Variants in RYR3 observed in about 807,000 individuals in gnomAD.
RYR3 encodes the protein ryanodine receptor 3.
Under a neutral mutation model 584.3 loss-of-function variants are expected in RYR3, and 207 were observed. That is an observed-to-expected ratio of 0.35 (90% confidence interval 0.32 to 0.40). RYR3 has a LOEUF of 0.40. Ranked by LOEUF, RYR3 falls within the 10% of genes least tolerant of loss-of-function variation. The pLI is 1.00. For synonymous variants in RYR3, 2,416 were observed against 2,248.5 expected (o/e 1.07, Z -2.11); for missense variants, 5,616 against 6,089.2 (o/e 0.92, Z 2.59).
intron 83 of RYR3, 32 bp downstream of exon 83, chr15:33,826,301 C>G (rs147715983): frequency 6.2e-7 from 1 of 1,608,756 alleles, no homozygotes; most frequent in African/African-American, 1.3e-5. Context: ...GAGTTCCTAC[C>G]GTGTGTGAAT....
At chr15:33,497,719 T>C (rs1318915672) in intron 2 of RYR3, among the ~76,000 whole-genome samples, 1 of 152,212 alleles carries the variant, frequency 6.6e-6, no homozygotes, top group Non-Finnish European at 1.5e-5. Context: ...TTTCTTTGTG[T>C]TAGAAACATT....
chr15:33,830,744 G>T, intron 85 of RYR3: 1 of 388,658 alleles, frequency 2.6e-6, no homozygotes, highest in South Asian at 7.7e-5. Context: ...CCAGCTGAAG[G>T]CAGTCCTCAC....
chr15:33,379,426 GA>G (rs947566570), intron 1 of RYR3, among the ~76,000 whole-genome samples: 7 of 151,976 alleles, frequency 4.6e-5, no homozygotes, highest in Admixed American at 3.3e-4. Flanking sequence ...TAGTGCCTGT[GA>G]AAAAAATACT....
At chr15:33,566,334 A>G (rs182691960) in intron 11 of RYR3, among the ~76,000 whole-genome samples, 1 of 152,226 alleles carries the variant, frequency 6.6e-6, no homozygotes, top group African/African-American at 2.4e-5. Context: ...GACTTTTCCC[A>G]TTTCCAAGGG....
At position 33,311,617 on chromosome 15, in the gene RYR3, C is replaced by T. The variant is rs943569427; in HGVS notation, c.51+521C>T. Among the ~76,000 whole-genome samples, 5 of 152,324 alleles carry T rather than the reference C, an allele frequency of 3.3e-5. No individual in the cohort carries two copies. Among genetic ancestry groups the T allele is most frequent in the Middle Eastern group, 6.8e-3 (2 of 294 alleles). ...GAGAAGCGGGCGCAGGCGCTTGGTC[C>T]TAGCCCTGGGATCGCTCGGAGGGGA... On this transcript the variant is annotated intron_variant, in intron 1 of 103. Coordinates refer to ENST00000634891, the MANE Select transcript of RYR3 (RefSeq NM_001036.6). The surrounding 1 kb of genome is among the most constrained non-coding windows in gnomAD (Gnocchi z 4.4).
At position 33,311,206 on chromosome 15, in the gene RYR3, C is replaced by T; in HGVS notation, c.51+110C>T. On this transcript the variant is annotated intron_variant, in intron 1 of 103. Transcript: ENST00000634891. The surrounding 1 kb of genome is among the most constrained non-coding windows in gnomAD (Gnocchi z 4.4). ...GCGGTGCCGGGTGCCCGGTGCCGGG[C>T]GCTTTCTCCGCACCCGCGGGCTGCA... 3.8e-6 allele frequency: 3 copies of T among 785,872 alleles called. No homozygotes were observed. Among genetic ancestry groups the T allele is most frequent in the Middle Eastern group, 4.2e-4 (1 of 2,380 alleles). The allele number at this position is 785,872 out of a possible 1,614,324, so 48.7% of individuals were successfully genotyped here. A position where few individuals can be genotyped will look rare whatever the true frequency, so the allele number is the denominator to read the frequency against.
chr15:33,721,278 T>C (rs889955729), intron 43 of RYR3, among the ~76,000 whole-genome samples: 7 of 152,064 alleles, frequency 4.6e-5, no homozygotes, highest in African/African-American at 1.4e-4. Context: ...GCTGTGTGAG[T>C]GAACGTGGAA....
chr15:33,377,801 TC>T (rs994956604), intron 1 of RYR3, among the ~76,000 whole-genome samples: 10 of 152,112 alleles, frequency 6.6e-5, no homozygotes, highest in Admixed American at 2.0e-4. Context: ...TCTTTTTTTT[TC>T]CCCCCTTTGG....
At chr15:33,545,461 G>A (rs755691911) in intron 8 of RYR3, among the ~76,000 whole-genome samples, 1 of 152,016 alleles carries the variant, frequency 6.6e-6, no homozygotes, top group Non-Finnish European at 1.5e-5. Flanking sequence ...CCTTTCTTTA[G>A]CCCAGGATTT....
At chr15:33,628,222 A>AG (rs1262464813) in intron 20 of RYR3, among the ~76,000 whole-genome samples, 4 of 152,166 alleles carry the variant, frequency 2.6e-5, no homozygotes, top group African/African-American at 9.7e-5. Context: ...TCACATGTGA[A>AG]GAACATTCAA....
At position 33,370,034 on chromosome 15, in the gene RYR3, A is replaced by G. The variant is rs925270442; in HGVS notation, c.51+58938A>G. ...TTGAATTTAAGGGACACTTTCAGCC[A>G]TCATACTATCGCTTATTTAAATGTT... is the stretch of plus-strand genomic sequence containing the variant. On this transcript the variant is annotated intron_variant, in intron 1 of 103. Transcript: ENST00000634891. Among the ~76,000 whole-genome samples, 11 of 152,326 alleles carry G rather than the reference A, an allele frequency of 7.2e-5. No individual in the cohort carries two copies. In the East Asian group the frequency reaches 1.9e-3, roughly 27 times the overall value.
At position 33,785,952 on chromosome 15, in the gene RYR3, G is replaced by A. The variant is rs776279373; in HGVS notation, c.9559G>A (p.Asp3187Asn). The part of the protein sequence containing the change: ...LKIINNNLGI[D>N]EASWMKRIAV... ...AATCATCAACAACAACCTGGGCATC[G>A]ATGAGGCCTCCTGGATGAAGCGCAT... Residue 3187 changes from aspartate (D) to asparagine (N), a missense_variant, in exon 66 of 104, where the codon GAT (aspartate) becomes AAT (asparagine). This residue lies in a region of RYR3 where 954 missense variants were observed against 1,132.2 expected (regional missense o/e 0.84). Transcript: ENST00000634891. 19 of 1,601,132 alleles carry A rather than the reference G, an allele frequency of 1.2e-5. No homozygotes were observed. The highest frequency in any genetic ancestry group is 2.3e-5 in the South Asian group (2 of 88,818).
At chr15:33,593,916 A>C (rs2059252563) in intron 16 of RYR3, among the ~76,000 whole-genome samples, 1 of 152,170 alleles carries the variant, frequency 6.6e-6, no homozygotes, top group Non-Finnish European at 1.5e-5. Context: ...CAGCAAGGGT[A>C]ATTAGTTTTT....
At chr15:33,402,208 G>T (rs1159563063) in intron 1 of RYR3, among the ~76,000 whole-genome samples, 1 of 152,174 alleles carries the variant, frequency 6.6e-6, no homozygotes, top group Non-Finnish European at 1.5e-5. Context: ...CGGTAGGAAA[G>T]AAATTATAAG....
chr15:33,595,401 T>C (rs557304079), intron 16 of RYR3, among the ~76,000 whole-genome samples: 1 of 152,338 alleles, frequency 6.6e-6, no homozygotes, highest in East Asian at 1.9e-4. Context: ...AAGAAGTTGG[T>C]TAATGCTTCA....
intron 12 of RYR3, among the ~76,000 whole-genome samples, chr15:33,569,711 A>G (rs2057917843): frequency 6.6e-6 from 1 of 152,136 alleles, no homozygotes; most frequent in African/African-American, 2.4e-5. Context: ...TTTCTCTTAG[A>G]AATGTCTGAA....
At chr15:33,564,120 A>G (rs3829477) in intron 11 of RYR3, among the ~76,000 whole-genome samples, 101,509 of 152,006 alleles carry the variant, frequency 0.67, 34,650 homozygotes, top group Middle Eastern at 0.76. Flanking sequence ...GAACTAGGGC[A>G]TGGGATCTTG....
intron 86 of RYR3, 145 bp from the exon 87 acceptor site, chr15:33,834,823 A>G: frequency 1.7e-6 from 1 of 571,920 alleles, no homozygotes; most frequent in Admixed American, 3.3e-5. Flanking sequence ...AAAAGTAATA[A>G]TCCTGGGAAA....
intron 16 of RYR3, 86 bp from the exon 17 acceptor site, chr15:33,601,333 G>A (rs2152551388): frequency 2.2e-6 from 3 of 1,384,886 alleles, no homozygotes; most frequent in African/African-American, 1.4e-5. Flanking sequence ...CACCCTTTAT[G>A]GACTCCTTCC....
Sources: allele counts gnomAD v4.1 joint callset (sites outside exome capture counted in the v4.1 genomes callset), GRCh38; gene constraint gnomAD v4.1.1; regional missense constraint gnomAD v4.1.1; non-coding constraint Gnocchi (gnomAD v3.1); transcripts MANE v1.5; gene names NCBI Gene and HGNC (gene_info 2026-07-23, HGNC 2026-07-21).